The following TAS1R1 variants were observed in gnomAD, a reference collection of about 807,000 sequenced individuals.
TAS1R1 encodes the protein taste receptor type 1 member 1.
In TAS1R1, 31 loss-of-function variants were observed where a neutral mutation model predicts 45.8. The ratio of observed to expected loss-of-function variants is 0.68; its 90% CI spans 0.51 to 0.91. The LOEUF (loss-of-function observed/expected upper bound fraction) is 0.91, where lower values mean the gene tolerates loss of function less well. Ranked by LOEUF, TAS1R1 falls within the 40% of genes least tolerant of loss-of-function variation. The pLI, the probability that TAS1R1 is intolerant of heterozygous loss-of-function variation, is 0.00. For missense variants in TAS1R1, 1,051 were observed against 1,063.9 expected, an observed-to-expected ratio of 0.99 and a Z score of 0.17; for synonymous variants, 437 against 448.4, an observed-to-expected ratio of 0.97 and a Z score of 0.32.
In TAS1R1 at chr1:6,576,425, A is replaced by T; in HGVS notation, c.1271A>T (p.Gln424Leu). ...GRVYPWQLLE[Q>L]IHKVHFLLHK... is the part of the protein sequence containing the mutation. ...ACGCGTTTCTTTCAGCTTTTGGAGC[A>T]GATCCACAAGGTGCATTTCCTTCTA... Residue 424 changes from glutamine to leucine, a missense_variant, in exon 4 of 6, where the codon CAG (glutamine) becomes CTG (leucine). Coordinates refer to ENST00000333172, the MANE Select transcript of TAS1R1 (RefSeq NM_138697.4). 1 of 1,614,236 alleles carries T rather than the reference A, an allele frequency of 6.2e-7. No individual in the cohort carries two copies. Among genetic ancestry groups the T allele is most frequent in the African/African-American group, 1.3e-5 (1 of 75,066 alleles).
At position 6,579,058 on chromosome 1, in the gene TAS1R1, C is replaced by G; in HGVS notation, c.2000C>G (p.Pro667Arg). 1.2e-6 allele frequency: 2 copies of G among 1,613,340 alleles called. No homozygotes were observed. Among genetic ancestry groups the G allele is most frequent in the Non-Finnish European group, 8.5e-7 (1 of 1,179,352 alleles). ...IIIFKFSTKV[P>R]TFYHAWVQNH... is the part of the protein sequence containing the mutation. ...ATCTTCAAGTTTTCCACCAAGGTAC[C>G]TACATTCTACCACGCCTGGGTCCAA... The change falls in exon 6 of 6, where the codon CCT becomes CGT. Residue 667 changes from proline to arginine, a missense_variant. By Grantham distance (103) the Pro-to-Arg change is moderately radical (BLOSUM62 -2). Transcript: ENST00000333172.
chr1:6,574,593 C>A lies in TAS1R1; in HGVS notation c.499-38C>A. The A allele has an allele frequency of 1.3e-6, 2 of 1,565,832 alleles. No homozygotes were observed. The highest frequency in any genetic ancestry group is 1.7e-6 in the Non-Finnish European group (2 of 1,153,796). ...CAGGGCCAGGCACTGGGGGGGCCTT[C>A]AGTGGAGACTGAAATGGCTGAACGG... is the stretch of plus-strand genomic sequence containing the variant. On this transcript the variant is annotated intron_variant, in intron 2 of 5. Transcript: ENST00000333172. The surrounding 1 kb of genome is among the most constrained non-coding windows in gnomAD (Gnocchi z 4.3).
rs1026940568 is a variant in TAS1R1, at chr1:6,575,156, G to C, written c.1024G>C (p.Ala342Pro). 6.3e-7 allele frequency: 1 copy of C among 1,593,978 alleles called. No homozygotes were observed. The highest frequency in any genetic ancestry group is 8.5e-7 in the Non-Finnish European group (1 of 1,171,358). ...CCTGAAGGCGTTTGAAGAAGCCTAT[G>C]CCCGGGCAGACAAGAAGGCCCCTAG... is the stretch of plus-strand genomic sequence containing the variant. ...PGLKAFEEAY[A>P]RADKKAPRPC... Residue 342 changes from alanine (A) to proline (P), a missense_variant, in exon 3 of 6, where the codon GCC becomes CCC. By Grantham distance (27) the Ala-to-Pro change is conservative. Coordinates refer to ENST00000333172, the MANE Select transcript of TAS1R1 (RefSeq NM_138697.4).
chr1:6,566,309 A>G (rs1639870995), intron 1 of TAS1R1, among the ~76,000 whole-genome samples: 1 of 152,156 alleles, frequency 6.6e-6, no homozygotes, highest in Non-Finnish European at 1.5e-5. Flanking sequence ...GAAATAGTAA[A>G]GAAGTCATCT....
chr1:6,570,302 G>A (rs1289465636), intron 1 of TAS1R1, among the ~76,000 whole-genome samples: 1 of 152,110 alleles, frequency 6.6e-6, no homozygotes. Flanking sequence ...CAGATGTTAG[G>A]GGAAAAAACA....
In TAS1R1 at chr1:6,575,031, C is replaced by A. The variant is rs778791072; in HGVS notation, c.899C>A (p.Ser300Ter). The stretch of plus-strand genomic sequence containing the variant: ...CTGACTGGCAAGGTGTGGGTCGCCT[C>A]AGAAGCCTGGGCCCTCTCCAGGCAC... ...TNLTGKVWVA[S>*]EAWALSRHIT... Residue 300 changes from serine (S) to a stop codon, truncating the protein, a stop_gained, in exon 3 of 6, where the codon TCA (serine) becomes TAA (stop). Coordinates refer to ENST00000333172, the MANE Select transcript of TAS1R1 (RefSeq NM_138697.4). LOFTEE classifies it high-confidence loss of function. The A allele has an allele frequency of 6.3e-7, 1 of 1,586,512 alleles. No homozygotes were observed. Among genetic ancestry groups the A allele is most frequent in the Non-Finnish European group, 8.6e-7 (1 of 1,164,656 alleles).
At position 6,575,157 on chromosome 1, in the gene TAS1R1, C is replaced by A; in HGVS notation, c.1025C>A (p.Ala342Asp). 1 of 1,593,690 alleles carries A rather than the reference C, an allele frequency of 6.3e-7. No individual in the cohort carries two copies. The highest frequency in any genetic ancestry group is 8.5e-7 in the Non-Finnish European group (1 of 1,171,260). Reference protein sequence around the residue: ...PGLKAFEEAYARADKKAPRPC... With the variant: ...PGLKAFEEAYDRADKKAPRPC... ...CTGAAGGCGTTTGAAGAAGCCTATG[C>A]CCGGGCAGACAAGAAGGCCCCTAGG... The change falls in exon 3 of 6, where the codon GCC becomes GAC. Residue 342 changes from alanine (A) to aspartate (D), a missense_variant. Transcript: ENST00000333172.
chr1:6,567,577 A>AG lies in TAS1R1; in HGVS notation c.192-3331dup, dbSNP rs60698959. On this transcript the variant is annotated intron_variant, in intron 1 of 5. Transcript: ENST00000333172. ...TCCGTCTCAAAGAAAAAAAAAAAAA[A>AG]GAGGAGATCGGCTTACCTGATACTA... Among the ~76,000 whole-genome samples the AG allele has an allele frequency of 3.9e-4, 59 of 150,092 alleles. No homozygotes were observed. The South Asian group carries it at 0.013, about 32-fold the overall frequency.
At chr1:6,578,247 T>G (rs1490595900) in intron 5 of TAS1R1, among the ~76,000 whole-genome samples, 1 of 152,152 alleles carries the variant, frequency 6.6e-6, no homozygotes, top group African/African-American at 2.4e-5. Flanking sequence ...GGGTCAGGAC[T>G]CAGAGAAACC....
At chr1:6,555,866 C>CTTCTTT (rs1553185411) in intron 1 of TAS1R1, among the ~76,000 whole-genome samples, 1 of 95,304 alleles carries the variant, frequency 1.0e-5, no homozygotes, top group East Asian at 3.5e-4. Flanking sequence ...TTTCCCTCTT[C>CTTCTTT]TTTTTTTTTT....
At chr1:6,572,111 C>T (rs1640033151) in intron 2 of TAS1R1, among the ~76,000 whole-genome samples, 1 of 152,132 alleles carries the variant, frequency 6.6e-6, no homozygotes, top group Admixed American at 6.5e-5. Context: ...ACTCCCTGCC[C>T]CTTCCCATGG....
chr1:6,579,303 G>GA lies in TAS1R1; in HGVS notation c.2245_2246insA (p.Gly749GlufsTer2). 1 of 1,614,142 alleles carries GA rather than the reference G, an allele frequency of 6.2e-7. No homozygotes were observed. The highest frequency in any genetic ancestry group is 8.5e-7 in the Non-Finnish European group (1 of 1,180,034). ...CAGTGCCTTTGCCTGCAGCTACCTG[G>GA]GTAAGGACTTGCCAGAGAACTACAA... On this transcript the variant is annotated frameshift_variant, in exon 6 of 6. Coordinates refer to ENST00000333172, the MANE Select transcript of TAS1R1 (RefSeq NM_138697.4). LOFTEE classifies it low-confidence loss of function (END_TRUNC).
intron 4 of TAS1R1, 53 bp from the exon 5 acceptor site, chr1:6,576,897 T>C (rs1640194751): frequency 6.2e-7 from 1 of 1,608,252 alleles, no homozygotes; most frequent in African/African-American, 1.3e-5. Flanking sequence ...GTTCCACATG[T>C]GAGCTGTCCT....
intron 1 of TAS1R1, among the ~76,000 whole-genome samples, chr1:6,570,065 G>T (rs1424871796): frequency 6.6e-6 from 1 of 151,616 alleles, no homozygotes; most frequent in South Asian, 2.1e-4. Context: ...GTCCTCTGGG[G>T]ATGCCCGGCC....
intron 1 of TAS1R1, among the ~76,000 whole-genome samples, chr1:6,570,043 G>A (rs1639971804): frequency 6.6e-6 from 1 of 151,634 alleles, no homozygotes; most frequent in Non-Finnish European, 1.5e-5. Flanking sequence ...GAGAGAGAGA[G>A]AGAGAGAGTG....
At chr1:6,568,432 G>T (rs1376995680) in intron 1 of TAS1R1, among the ~76,000 whole-genome samples, 1 of 150,842 alleles carries the variant, frequency 6.6e-6, no homozygotes, top group East Asian at 1.9e-4. Context: ...TCCAGCCTGG[G>T]CAAGAGTGTG....
chr1:6,568,892 T>G (rs2148671113), intron 1 of TAS1R1, among the ~76,000 whole-genome samples: 1 of 152,340 alleles, frequency 6.6e-6, no homozygotes, highest in South Asian at 2.1e-4. Flanking sequence ...ATTTAAATTC[T>G]TTGATATAAG....
intron 1 of TAS1R1, among the ~76,000 whole-genome samples, chr1:6,563,055 AG>A (rs1639816154): frequency 6.6e-6 from 1 of 152,184 alleles, no homozygotes; most frequent in South Asian, 2.1e-4. Context: ...GGCATTTGGC[AG>A]GGAGGGGAGC....
At chr1:6,563,354 G>A (rs377064959) in intron 1 of TAS1R1, among the ~76,000 whole-genome samples, 206 of 152,312 alleles carry the variant, frequency 1.4e-3, no homozygotes, top group African/African-American at 4.7e-3. Context: ...CGGTGCCGGC[G>A]GCCACAGGGC....
Sources: allele counts gnomAD v4.1 joint callset (sites outside exome capture counted in the v4.1 genomes callset), GRCh38; gene constraint gnomAD v4.1.1; non-coding constraint Gnocchi (gnomAD v3.1); transcripts MANE v1.5; gene names NCBI Gene and HGNC (gene_info 2026-07-23, HGNC 2026-07-21).